The following PDE1C variants were observed in gnomAD, a reference collection of about 807,000 sequenced individuals.
PDE1C encodes phosphodiesterase 1C.
Under a neutral mutation model 93.1 loss-of-function variants are expected in PDE1C, and 62 were observed. The ratio of observed to expected loss-of-function variants is 0.67; its 90% CI spans 0.54 to 0.82. The LOEUF is 0.82. Ranked by LOEUF, PDE1C falls within the 40% of genes least tolerant of loss-of-function variation. The pLI is 0.00. For missense variants in PDE1C, 742 were observed against 884.6 expected (o/e 0.84, Z 2.04); for synonymous variants, 325 against 310.1 (o/e 1.05, Z -0.50).
chr7:31,794,085 C>CAGATAGATAGAT (rs1326683058), intron 16 of PDE1C, among the ~76,000 whole-genome samples: 13 of 137,390 alleles, frequency 9.5e-5, no homozygotes, highest in South Asian at 2.4e-4. Context: ...GACAGACAGA[C>CAGATAGATAGAT]AGACAGATAG....
At chr7:32,118,740 T>C (rs1159883522) in intron 3 of PDE1C, among the ~76,000 whole-genome samples, 4 of 152,208 alleles carry the variant, frequency 2.6e-5, no homozygotes, top group African/African-American at 7.2e-5. Context: ...AATCCATTCA[T>C]GAGGGCAGAG....
At chr7:32,081,110 G>A (rs974485895) in intron 3 of PDE1C, among the ~76,000 whole-genome samples, 2 of 152,222 alleles carry the variant, frequency 1.3e-5, no homozygotes, top group African/African-American at 4.8e-5. Flanking sequence ...GAAACAGGTG[G>A]ACTCTCACAC....
chr7:31,869,202 G>A (rs1382904351), intron 6 of PDE1C, among the ~76,000 whole-genome samples: 1 of 152,020 alleles, frequency 6.6e-6, no homozygotes, highest in Non-Finnish European at 1.5e-5. Flanking sequence ...TAATAAGAAT[G>A]TAAGAAAGGA....
intron 2 of PDE1C, among the ~76,000 whole-genome samples, chr7:31,970,828 T>C (rs1810850819): frequency 6.6e-6 from 1 of 152,204 alleles, no homozygotes; most frequent in South Asian, 2.1e-4. Context: ...GTTTTCCATG[T>C]TGATCTGCAA....
At chr7:31,799,787 T>G (rs1785769936) in intron 16 of PDE1C, among the ~76,000 whole-genome samples, 1 of 151,712 alleles carries the variant, frequency 6.6e-6, no homozygotes, top group South Asian at 2.1e-4. Flanking sequence ...CTCCATTTTT[T>G]CTGTACTAAG....
chr7:31,763,194 G>A (rs893232263), intron 17 of PDE1C, among the ~76,000 whole-genome samples: 1 of 152,136 alleles, frequency 6.6e-6, no homozygotes, highest in African/African-American at 2.4e-5. Flanking sequence ...AAGGATAATG[G>A]GGCGGCCAAC....
the PDE1C span, among the ~76,000 whole-genome samples, chr7:31,629,280 A>G: frequency 4.5e-5 from 1 of 22,076 alleles, no homozygotes; most frequent in Admixed American, 7.3e-4. Context: ...TGTTTAAACA[A>G]CACAATCTTT....
chr7:31,970,102 C>A (rs1034670745), intron 2 of PDE1C, among the ~76,000 whole-genome samples: 4 of 152,012 alleles, frequency 2.6e-5, no homozygotes, highest in Non-Finnish European at 5.9e-5. Flanking sequence ...TGTAACAAAC[C>A]TGCACGTTGT....
chr7:32,350,430 C>A (rs2128082772), intron 1 of PDE1C, among the ~76,000 whole-genome samples: 1 of 152,122 alleles, frequency 6.6e-6, no homozygotes, highest in East Asian at 1.9e-4. Flanking sequence ...TCCTTAATAT[C>A]ATCAAATATT....
chr7:31,883,858 G>A (rs1044433340), intron 2 of PDE1C, among the ~76,000 whole-genome samples: 7 of 152,200 alleles, frequency 4.6e-5, no homozygotes, highest in Non-Finnish European at 8.8e-5. Flanking sequence ...GCCATTCAGA[G>A]GCTTCTCCCT....
chr7:32,287,787 G>T (rs573753893), intron 1 of PDE1C, among the ~76,000 whole-genome samples: 1 of 152,346 alleles, frequency 6.6e-6, no homozygotes, highest in South Asian at 2.1e-4. Flanking sequence ...TGGAAGGGCA[G>T]CAGGATCAAA....
chr7:31,824,314 A>G (rs1340360560), intron 13 of PDE1C, among the ~76,000 whole-genome samples: 1 of 152,076 alleles, frequency 6.6e-6, no homozygotes, highest in Admixed American at 6.6e-5. Flanking sequence ...GTCACCTCTG[A>G]GTATTATAAT....
chr7:31,690,799 A>T, the PDE1C span, among the ~76,000 whole-genome samples: 1 of 152,134 alleles, frequency 6.6e-6, no homozygotes, highest in Non-Finnish European at 1.5e-5. Flanking sequence ...GATTACTCTG[A>T]TTCTAAGTGT....
At chr7:32,054,684 A>G (rs1793831667) in intron 1 of PDE1C, among the ~76,000 whole-genome samples, 1 of 152,156 alleles carries the variant, frequency 6.6e-6, no homozygotes. Context: ...CCTTCCTGAC[A>G]CGCCCCTCGT....
At chr7:31,635,117 A>C in the PDE1C span, among the ~76,000 whole-genome samples, 2 of 152,286 alleles carry the variant, frequency 1.3e-5, no homozygotes, top group Non-Finnish European at 1.5e-5. Context: ...TAAATGATGT[A>C]CATTTGTATT....
chr7:31,695,578 G>C, the PDE1C span: 6 of 1,613,892 alleles, frequency 3.7e-6, no homozygotes, highest in Admixed American at 1.7e-5. Context: ...AAAAACCAAG[G>C]AGGAAAGATA....
chr7:32,039,952 G>T (rs117647809), intron 2 of PDE1C, among the ~76,000 whole-genome samples: 18 of 152,260 alleles, frequency 1.2e-4, no homozygotes, highest in Non-Finnish European at 2.1e-4. Flanking sequence ...GTTTCAGAAC[G>T]TAGTATACTG....
chr7:32,171,423 T>G (rs1365756633), intron 2 of PDE1C, among the ~76,000 whole-genome samples: 1 of 151,306 alleles, frequency 6.6e-6, no homozygotes, highest in African/African-American at 2.4e-5. Context: ...AAATCTGTAG[T>G]AAACATGCAC....
chr7:32,155,650 T>C (rs77963331), intron 3 of PDE1C, among the ~76,000 whole-genome samples: 174 of 152,296 alleles, frequency 1.1e-3, no homozygotes, highest in African/African-American at 4.0e-3. Context: ...ATCATATCAC[T>C]TGCAAATTAT....
Sources: gnomAD v4.1 joint callset for allele counts (sites outside exome capture counted in the v4.1 genomes callset) on GRCh38, gnomAD v4.1.1 for gene constraint, MANE v1.5 for transcripts, NCBI Gene and HGNC (gene_info 2026-07-23, HGNC 2026-07-21) for gene names.